Variants in CCDC38 observed in about 807,000 individuals in gnomAD.
The protein encoded by CCDC38 is coiled-coil domain containing 38.
CCDC38 carries 69 observed loss-of-function variants against 72.8 expected under a neutral mutation model. The ratio of observed to expected loss-of-function variants is 0.95; its 90% CI spans 0.78 to 1.16. The LOEUF (loss-of-function observed/expected upper bound fraction) is 1.16. Among genes scored for constraint, CCDC38 ranks in the 50% most tolerant of loss-of-function variants. The pLI is 0.00. For missense variants in CCDC38, 626 were observed against 638.9 expected (o/e 0.98, Z 0.22); for synonymous variants, 201 against 213.2 (o/e 0.94, Z 0.50).
intron 11 of CCDC38, among the ~76,000 whole-genome samples, chr12:95,880,872 A>G (rs1018707263): frequency 3.9e-5 from 6 of 152,200 alleles, no homozygotes; most frequent in Non-Finnish European, 7.4e-5. Flanking sequence ...TAATGAGTAT[A>G]GAGTTTCTAT....
chr12:95,936,399 T>C (rs957033699), intron 2 of CCDC38, 74 bp downstream of exon 2: 22 of 1,368,896 alleles, frequency 1.6e-5, no homozygotes, highest in Non-Finnish European at 2.1e-5. Context: ...TCTCCTTTTC[T>C]TATGCTCACA....
chr12:95,935,695 T>C lies in CCDC38; in HGVS notation c.37+778A>G, dbSNP rs117261211. On this transcript the variant is annotated intron_variant, in intron 2 of 15. Transcript: ENST00000344280. Reference sequence around the variant, plus strand: ...GTTACCTATTACAAACTCTTAGTGTTATCCAAATGTTAAATTTTTGTCAGA... The same window carrying C: ...GTTACCTATTACAAACTCTTAGTGTCATCCAAATGTTAAATTTTTGTCAGA... 2.3e-3 allele frequency among the ~76,000 whole-genome samples: 348 copies of C among 152,322 alleles called. 3 individuals carry two copies. The highest frequency in any genetic ancestry group is 3.0e-3 in the Non-Finnish European group (204 of 68,024).
At chr12:95,886,597 A>C (rs1451884593) in intron 10 of CCDC38, among the ~76,000 whole-genome samples, 3 of 152,234 alleles carry the variant, frequency 2.0e-5, no homozygotes, top group Non-Finnish European at 4.4e-5. Context: ...ATATATACAG[A>C]ATTTTCAAAA....
chr12:95,872,137 C>T, intron 14 of CCDC38, 118 bp downstream of exon 14: 1 of 864,798 alleles, frequency 1.2e-6, no homozygotes. Flanking sequence ...GGCTGGATTT[C>T]ATTCCTCCTC....
chr12:95,926,612 T>C (rs2136732361), intron 2 of CCDC38, among the ~76,000 whole-genome samples: 2 of 152,206 alleles, frequency 1.3e-5, no homozygotes, highest in East Asian at 3.9e-4. Context: ...CTTGCTTTTC[T>C]AGTTCTTTTA....
At position 95,879,888 on chromosome 12, in the gene CCDC38, G is replaced by T; in HGVS notation, c.991-93C>A. The T allele has an allele frequency of 2.1e-6, 2 of 969,808 alleles. No homozygotes were observed. The highest frequency in any genetic ancestry group is 1.5e-6 in the Non-Finnish European group (1 of 661,888). The allele number at this position is 969,808 out of a possible 1,614,324, so 60.1% of individuals were successfully genotyped here. On this transcript the variant is annotated intron_variant, in intron 11 of 15. Coordinates refer to ENST00000344280, the MANE Select transcript of CCDC38 (RefSeq NM_182496.3). The surrounding 1 kb of genome is among the most constrained non-coding windows in gnomAD (Gnocchi z 5.5). ...TAGAAAATACAGTGGGGTAAAGGAA[G>T]ACAGTTCTAAGGATGAGGGAGACAC... is the stretch of plus-strand genomic sequence containing the variant.
chr12:95,877,327 G>A (rs1010693826), intron 13 of CCDC38, among the ~76,000 whole-genome samples: 10 of 152,158 alleles, frequency 6.6e-5, no homozygotes, highest in African/African-American at 2.4e-4. Context: ...AGGTATATAA[G>A]CTCTGGAAAA....
intron 4 of CCDC38, among the ~76,000 whole-genome samples, chr12:95,908,063 G>A (rs1039579449): frequency 1.2e-4 from 19 of 152,148 alleles, no homozygotes; most frequent in African/African-American, 4.6e-4. Flanking sequence ...ATGGGGTGGC[G>A]GCTGGGCAGA....
chr12:95,915,301 C>G (rs1219553781), intron 4 of CCDC38, among the ~76,000 whole-genome samples: 1 of 152,212 alleles, frequency 6.6e-6, no homozygotes, highest in Non-Finnish European at 1.5e-5. Context: ...ACCTCCACCA[C>G]TCTCTGGGGA....
At position 95,886,230 on chromosome 12, in the gene CCDC38, A is replaced by G. The variant is rs549684147; in HGVS notation, c.920+2228T>C. On this transcript the variant is annotated intron_variant, in intron 10 of 15. Coordinates refer to ENST00000344280, the MANE Select transcript of CCDC38 (RefSeq NM_182496.3). ...CAATTCAATGAAAGAAGCCATTTCA[A>G]CAAATGGTGCAGGAGCAATTGACAT... Among the ~76,000 whole-genome samples, 6 of 152,352 alleles carry G rather than the reference A, an allele frequency of 3.9e-5. No individual in the cohort carries two copies. In the East Asian group the frequency reaches 1.2e-3, roughly 29 times the overall value.
chr12:95,928,774 G>T (rs937869594), intron 2 of CCDC38, among the ~76,000 whole-genome samples: 2 of 152,180 alleles, frequency 1.3e-5, no homozygotes, highest in African/African-American at 4.8e-5. Context: ...ACCCTCAGCT[G>T]CAGGTCTGTT....
chr12:95,874,385 T>C (rs1341049547), intron 13 of CCDC38, among the ~76,000 whole-genome samples: 2 of 152,194 alleles, frequency 1.3e-5, no homozygotes, highest in African/African-American at 4.8e-5. Context: ...CGATGTCTTT[T>C]CTACACCACC....
intron 4 of CCDC38, among the ~76,000 whole-genome samples, chr12:95,915,303 C>A (rs1334796863): frequency 1.3e-5 from 2 of 152,210 alleles, no homozygotes; most frequent in Non-Finnish European, 2.9e-5. Context: ...CTCCACCACT[C>A]TCTGGGGATG....
intron 2 of CCDC38, among the ~76,000 whole-genome samples, chr12:95,926,203 T>G (rs1489224412): frequency 2.7e-5 from 4 of 148,930 alleles, no homozygotes; most frequent in Non-Finnish European, 6.0e-5. Flanking sequence ...CTATTGATTA[T>G]TGCCACAATT....
At chr12:95,886,696 A>G in intron 10 of CCDC38, among the ~76,000 whole-genome samples, 1 of 152,222 alleles carries the variant, frequency 6.6e-6, no homozygotes, top group East Asian at 1.9e-4. Context: ...AGATGCAAAC[A>G]AGCACACGAC....
At chr12:95,936,261 C>T (rs900028442) in intron 2 of CCDC38, among the ~76,000 whole-genome samples, 1 of 152,064 alleles carries the variant, frequency 6.6e-6, no homozygotes, top group Non-Finnish European at 1.5e-5. Context: ...CTGGGGCAAT[C>T]TGGCTAAATA....
intron 13 of CCDC38, 60 bp from the exon 14 acceptor site, chr12:95,872,520 T>C: frequency 9.5e-7 from 1 of 1,055,106 alleles, no homozygotes; most frequent in Non-Finnish European, 1.5e-6. Context: ...AAATATACCA[T>C]TTTACTATAT....
At chr12:95,904,892 A>G (rs1337430403) in intron 5 of CCDC38, among the ~76,000 whole-genome samples, 1 of 152,220 alleles carries the variant, frequency 6.6e-6, no homozygotes, top group Non-Finnish European at 1.5e-5. Flanking sequence ...CCGGAAGTCA[A>G]GAGCAAAGGC....
At chr12:95,875,890 C>T (rs568052589) in intron 13 of CCDC38, among the ~76,000 whole-genome samples, 9 of 152,018 alleles carry the variant, frequency 5.9e-5, no homozygotes, top group South Asian at 2.1e-4. Context: ...TCAAAAATGC[C>T]GCTTTTATTT....
Sources: allele counts gnomAD v4.1 joint callset (sites outside exome capture counted in the v4.1 genomes callset), GRCh38; gene constraint gnomAD v4.1.1; non-coding constraint Gnocchi (gnomAD v3.1); transcripts MANE v1.5; gene names NCBI Gene and HGNC (gene_info 2026-07-23, HGNC 2026-07-21).